Variants in SEMA6A observed in about 807,000 individuals in gnomAD.
The protein encoded by SEMA6A is semaphorin 6A.
In SEMA6A, 25 loss-of-function variants were observed where a neutral mutation model predicts 96.8. The observed-to-expected ratio is 0.26, with a 90% CI of 0.19 to 0.36. The LOEUF (loss-of-function observed/expected upper bound fraction) is 0.36. Ranked by LOEUF, SEMA6A falls within the 10% of genes least tolerant of loss-of-function variation. The pLI is 1.00. For synonymous variants in SEMA6A, 612 were observed against 518.0 expected, an observed-to-expected ratio of 1.18 and a Z score of -2.46; for missense variants, 1,363 against 1,323.1, an observed-to-expected ratio of 1.03 and a Z score of -0.47.
intron 9 of SEMA6A, 145 bp from the exon 10 acceptor site, chr5:116,487,111 AG>A: frequency 1.6e-6 from 1 of 626,406 alleles, no homozygotes; most frequent in East Asian, 2.8e-5. Flanking sequence ...AAAAAAAGAA[AG>A]AAAAGAAAAA....
At chr5:116,534,018 T>G (rs1410853241) in intron 1 of SEMA6A, among the ~76,000 whole-genome samples, 2 of 152,222 alleles carry the variant, frequency 1.3e-5, no homozygotes, top group African/African-American at 4.8e-5. Flanking sequence ...CTCTCCACCT[T>G]TTCTTCCCTT....
intron 6 of SEMA6A, among the ~76,000 whole-genome samples, chr5:116,495,163 T>C (rs888938306): frequency 2.0e-5 from 3 of 152,128 alleles, no homozygotes; most frequent in African/African-American, 7.2e-5. Flanking sequence ...TTCTGAACAA[T>C]AGAGAAAAGG....
intron 18 of SEMA6A, among the ~76,000 whole-genome samples, chr5:116,465,726 C>T (rs1184993030): frequency 1.3e-5 from 2 of 152,114 alleles, no homozygotes; most frequent in Non-Finnish European, 2.9e-5. Context: ...AGAAAATTCA[C>T]GCTACCCCTC....
chr5:116,560,153 G>A (rs1035579958), intron 1 of SEMA6A, among the ~76,000 whole-genome samples: 18 of 152,124 alleles, frequency 1.2e-4, no homozygotes, highest in South Asian at 2.1e-4. Flanking sequence ...CAAATACGGA[G>A]ACCTCACTCC....
In SEMA6A at chr5:116,444,711, G is replaced by T. The variant is rs1408403009; in HGVS notation, c.*1902C>A. On this transcript the variant is annotated 3_prime_UTR_variant, in exon 19 of 19. Transcript: ENST00000343348. The stretch of plus-strand genomic sequence containing the variant: ...CTTTGCCCCAGTCAACGTTTTTGCA[G>T]CATCCATTGTGGTCGGCCTTGTACT... The T allele has an allele frequency of 1.3e-5, 2 of 152,312 alleles. No individual in the cohort carries two copies. Among genetic ancestry groups the T allele is most frequent in the East Asian group, 3.8e-4 (2 of 5,198 alleles). 9.4% of individuals were successfully genotyped at this position (152,312 alleles called of 1,614,324 possible). A position where few individuals can be genotyped will look rare whatever the true frequency, so the allele number is the denominator to read the frequency against.
chr5:116,484,321 A>C (rs374408147), intron 10 of SEMA6A, among the ~76,000 whole-genome samples: 15 of 152,264 alleles, frequency 9.9e-5, no homozygotes, highest in East Asian at 5.8e-4. Context: ...CAGTTGTGAA[A>C]TCCTTTCTTC....
At chr5:116,469,874 G>A (rs896193382) in intron 17 of SEMA6A, among the ~76,000 whole-genome samples, 1 of 152,186 alleles carries the variant, frequency 6.6e-6, no homozygotes, top group African/African-American at 2.4e-5. Context: ...AGTTAGGTAA[G>A]AGAATGTTTT....
chr5:116,552,747 G>A (rs1442757256), intron 1 of SEMA6A, among the ~76,000 whole-genome samples: 1 of 152,200 alleles, frequency 6.6e-6, no homozygotes, highest in Non-Finnish European at 1.5e-5. Flanking sequence ...TGTTACTAAT[G>A]GGGCACTTTT....
intron 17 of SEMA6A, among the ~76,000 whole-genome samples, chr5:116,470,926 G>T (rs372292749): frequency 1.5e-3 from 222 of 152,308 alleles, no homozygotes; most frequent in African/African-American, 4.9e-3. Flanking sequence ...CAAATACAGT[G>T]CCCAGTACAG....
chr5:116,481,300 CCTTCCTG>C, intron 11 of SEMA6A, among the ~76,000 whole-genome samples: 2 of 152,288 alleles, frequency 1.3e-5, no homozygotes, highest in South Asian at 4.2e-4. Context: ...GCTGAACTCC[CCTTCCTG>C]CTAGAAGGAA....
At chr5:116,527,536 A>T (rs1192160005) in intron 1 of SEMA6A, among the ~76,000 whole-genome samples, 1 of 152,188 alleles carries the variant, frequency 6.6e-6, no homozygotes. Context: ...AGTATAAGGG[A>T]GGTTGAGGAA....
chr5:116,448,769 A>AC (rs1561461198), intron 18 of SEMA6A, among the ~76,000 whole-genome samples: 1 of 151,340 alleles, frequency 6.6e-6, no homozygotes, highest in African/African-American at 2.4e-5. Context: ...AAAAAAAAAA[A>AC]AAAAAAACAG....
chr5:116,479,477 A>G (rs28309), intron 12 of SEMA6A, among the ~76,000 whole-genome samples: 46,652 of 152,132 alleles, frequency 0.31, 7,448 homozygotes, highest in East Asian at 0.5. Flanking sequence ...TAATAAAGTC[A>G]TAGTATAAAA....
intron 1 of SEMA6A, among the ~76,000 whole-genome samples, chr5:116,556,793 G>A (rs1183179546): frequency 3.3e-5 from 5 of 152,162 alleles, no homozygotes; most frequent in Non-Finnish European, 7.4e-5. Flanking sequence ...GAAAACCACT[G>A]TTACCAGTAA....
intron 11 of SEMA6A, among the ~76,000 whole-genome samples, chr5:116,481,293 G>A (rs1364472597): frequency 6.6e-6 from 1 of 152,198 alleles, no homozygotes; most frequent in Non-Finnish European, 1.5e-5. Flanking sequence ...CCCTCAGGCT[G>A]AACTCCCCTT....
At position 116,546,296 on chromosome 5, in the gene SEMA6A, G is replaced by C. The variant is rs187151661; in HGVS notation, c.-39+27889C>G. Among the ~76,000 whole-genome samples, 382 of 152,316 alleles carry C rather than the reference G, an allele frequency of 2.5e-3. 2 individuals carry two copies. Among genetic ancestry groups the C allele is most frequent in the Non-Finnish European group, 3.6e-3 (248 of 68,036 alleles). ...AAGGTCCATGTAATGACTTCCCTGA[G>C]ACACTCTGATTGCTTTACAACTTGA... On this transcript the variant is annotated intron_variant, in intron 1 of 18. Transcript: ENST00000343348.
intron 1 of SEMA6A, among the ~76,000 whole-genome samples, chr5:116,537,343 A>G (rs1759761090): frequency 6.6e-6 from 1 of 152,234 alleles, no homozygotes; most frequent in Non-Finnish European, 1.5e-5. Flanking sequence ...ACTCAAAGAC[A>G]CATGGATACT....
At chr5:116,512,829 TTAG>T (rs1283758344) in intron 1 of SEMA6A, among the ~76,000 whole-genome samples, 1 of 152,148 alleles carries the variant, frequency 6.6e-6, no homozygotes, top group Non-Finnish European at 1.5e-5. Flanking sequence ...AGTCACGACC[TTAG>T]TAGGCCTGAA....
At chr5:116,519,689 ACACG>A (rs753006118) in intron 1 of SEMA6A, among the ~76,000 whole-genome samples, 4,522 of 149,000 alleles carry the variant, frequency 0.03, 227 homozygotes, top group African/African-American at 0.11. Flanking sequence ...ACACACACAC[ACACG>A]CACACACATA....
Sources: gnomAD v4.1 joint callset for allele counts (sites outside exome capture counted in the v4.1 genomes callset) on GRCh38, gnomAD v4.1.1 for gene constraint, MANE v1.5 for transcripts, NCBI Gene and HGNC (gene_info 2026-07-23, HGNC 2026-07-21) for gene names.